The following LRRC37B variants were observed in gnomAD, a reference collection of about 807,000 sequenced individuals.
The protein encoded by LRRC37B is leucine-rich repeat-containing protein 37B.
LRRC37B carries 28 observed loss-of-function variants against 98.3 expected under a neutral mutation model. That is an observed-to-expected ratio of 0.28 (90% CI 0.21 to 0.39). LRRC37B has a LOEUF of 0.39. Ranked by LOEUF, LRRC37B falls within the 10% of genes least tolerant of loss-of-function variation. LRRC37B has a pLI of 1.00. For missense variants in LRRC37B, 938 were observed against 1,182.7 expected (o/e 0.79, Z 3.03); for synonymous variants, 364 against 442.7 (o/e 0.82, Z 2.23).
chr17:32,020,096 G>A (rs924784535), upstream of LRRC37B, among the ~76,000 whole-genome samples: 6 of 152,098 alleles, frequency 3.9e-5, no homozygotes, highest in Non-Finnish European at 7.4e-5. Flanking sequence ...CACCCACCTC[G>A]GCCTCCCAGA....
chr17:32,026,402 C>G (rs781200222), intron 2 of LRRC37B, among the ~76,000 whole-genome samples: 1 of 152,132 alleles, frequency 6.6e-6, no homozygotes, highest in African/African-American at 2.4e-5. Context: ...ATAATCCCAT[C>G]TACTTGGGAA....
chr17:32,020,890 C>T (rs1235705196), upstream of LRRC37B: 13 of 1,346,992 alleles, frequency 9.7e-6, no homozygotes, highest in Admixed American at 1.2e-4. Flanking sequence ...GGGACCACCC[C>T]GGTCTGCGGC....
Position 32,021,468 on chromosome 17 carries a change from C to A in LRRC37B, c.403C>A (p.Pro135Thr), listed in dbSNP as rs565455656. 4.3e-6 allele frequency: 7 copies of A among 1,614,172 alleles called. No homozygotes were observed. The South Asian group carries it at 6.6e-5, about 15-fold the overall frequency. ...GGAATTGGATTCAGCTGGAGAGCTG[C>A]CCCTGGGGCCAGAGCCGTTCTTGGC... Residue 135 changes from proline (P) to threonine (T), a missense_variant, in exon 1 of 12, where the codon CCC (proline) becomes ACC (threonine). Pro to Thr is a conservative substitution (Grantham distance 38). Coordinates refer to ENST00000327564, the Ensembl canonical transcript of LRRC37B.
intron 7 of LRRC37B, among the ~76,000 whole-genome samples, chr17:32,045,248 C>T (rs1448106317): frequency 6.6e-6 from 1 of 151,846 alleles, no homozygotes; most frequent in Non-Finnish European, 1.5e-5. Flanking sequence ...TTTTTTTTAA[C>T]CCCACAATCC....
At position 32,036,167 on chromosome 17, in the gene LRRC37B, A is replaced by T. The variant is rs142097297; in HGVS notation, c.2204+528A>T. 34 of 153,354 alleles carry T rather than the reference A, an allele frequency of 2.2e-4. No homozygotes were observed. The East Asian group carries it at 5.9e-3, about 27-fold the overall frequency. The allele number at this position is 153,354 out of a possible 1,614,324, so 9.5% of individuals were successfully genotyped here. On this transcript the variant is annotated intron_variant, in intron 7 of 11. Transcript: ENST00000327564. ...AGGTGTGTGCCACCATGCCCAGAAAATTTTCATATTTTTAGTAGAGATGAA... is the reference window on the plus strand; with the variant it reads ...AGGTGTGTGCCACCATGCCCAGAAATTTTTCATATTTTTAGTAGAGATGAA...
At chr17:32,033,154 G>C (rs536222032) in intron 5 of LRRC37B, among the ~76,000 whole-genome samples, 1 of 152,084 alleles carries the variant, frequency 6.6e-6, no homozygotes, top group East Asian at 1.9e-4. Context: ...ACAGAGCAAG[G>C]CTCCAACAGA....
At chr17:32,015,242 A>G (rs937416471) in intron 1 of LRRC37B, among the ~76,000 whole-genome samples, 1 of 152,232 alleles carries the variant, frequency 6.6e-6, no homozygotes, top group East Asian at 1.9e-4. Flanking sequence ...CTTGTTCAGT[A>G]ATAATGTTAA....
At chr17:32,016,668 T>C (rs530455139), upstream of LRRC37B, among the ~76,000 whole-genome samples, 2 of 152,332 alleles carry the variant, frequency 1.3e-5, no homozygotes, top group Admixed American at 1.3e-4. Context: ...TAAATTTGGG[T>C]TGCATTTGAG....
At chr17:32,050,603 A>C (rs1911725773) in intron 11 of LRRC37B, 1 of 152,334 alleles carries the variant, frequency 6.6e-6, no homozygotes, top group African/African-American at 2.4e-5. Flanking sequence ...GTGTTGTCTA[A>C]ATAGGTCCAG....
At chr17:32,042,110 T>C in intron 7 of LRRC37B, 1 of 311,796 alleles carries the variant, frequency 3.2e-6, no homozygotes, top group East Asian at 9.1e-5. Context: ...GGCCTCACTG[T>C]TTCCCTGGCC....
In LRRC37B at chr17:32,049,401, A is replaced by T. The variant is rs1286841559; in HGVS notation, c.2757+7A>T. ...AGAGCAGAAGTCAAGTGAGGTGAGG[A>T]CCACACAGAAACATGAGACCCAGAT... On this transcript the variant is annotated splice_region_variant and intron_variant, in intron 10 of 11. Transcript: ENST00000327564. The T allele has an allele frequency of 6.2e-7, 1 of 1,604,936 alleles. No individual in the cohort carries two copies. Among genetic ancestry groups the T allele is most frequent in the South Asian group, 1.1e-5 (1 of 90,242 alleles).
rs1334999498 is a variant in LRRC37B, at chr17:32,012,439, A to T, written c.-191+4307A>T. Among the ~76,000 whole-genome samples, 3 of 152,214 alleles carry T rather than the reference A, an allele frequency of 2.0e-5. No individual in the cohort carries two copies. In the East Asian group the frequency reaches 5.8e-4, roughly 29 times the overall value. On this transcript the variant is annotated intron_variant, in intron 1 of 14. Transcript: ENST00000543378. ...TTATACTAAAAACCATTATTTGGCC[A>T]GGCATGGTGGCTCACGCCTGTAATC...
chr17:32,020,292 C>T (rs1293285237), upstream of LRRC37B, among the ~76,000 whole-genome samples: 1 of 152,172 alleles, frequency 6.6e-6, no homozygotes, highest in Non-Finnish European at 1.5e-5. Context: ...CAGCTGGGTT[C>T]TAGTTATAGT....
chr17:32,044,307 C>T (rs1462279068), intron 7 of LRRC37B, among the ~76,000 whole-genome samples: 1 of 152,288 alleles, frequency 6.6e-6, no homozygotes, highest in Middle Eastern at 3.4e-3. Flanking sequence ...AGAATCCAGT[C>T]AAAGATCAGG....
chr17:32,015,376 G>A lies in LRRC37B; in HGVS notation c.-190-2596G>A, dbSNP rs73990711. On this transcript the variant is annotated intron_variant, in intron 1 of 14. Coordinates refer to the LRRC37B transcript ENST00000543378. ...TATTCCTTCTTGATATGCCATTCAT[G>A]GTTTATAGATGTGTAATAGCAGATT... is the stretch of plus-strand genomic sequence containing the variant. Among the ~76,000 whole-genome samples, 1,159 of 152,258 alleles carry A rather than the reference G, an allele frequency of 7.6e-3. 13 individuals carry two copies. Among genetic ancestry groups the A allele is most frequent in the African/African-American group, 0.027 (1,107 of 41,542 alleles).
At chr17:32,012,316 C>G (rs1355362941) in intron 1 of LRRC37B, among the ~76,000 whole-genome samples, 1 of 152,150 alleles carries the variant, frequency 6.6e-6, no homozygotes, top group East Asian at 1.9e-4. Flanking sequence ...ATTTTGAGGC[C>G]CTGTTGTTAG....
chr17:32,022,380 A>G, exon 1 of LRRC37B: 1 of 1,613,814 alleles, frequency 6.2e-7, no homozygotes, highest in Non-Finnish European at 8.5e-7. Context: ...TTCACACCTG[A>G]CTGAAGCCAC....
chr17:32,043,121 A>G (rs1029783534), intron 7 of LRRC37B, among the ~76,000 whole-genome samples: 10 of 152,250 alleles, frequency 6.6e-5, no homozygotes, highest in African/African-American at 2.4e-4. Context: ...ACATACACAC[A>G]TGGAAAGGAA....
chr17:32,024,111 TA>T (rs1344141693), intron 1 of LRRC37B, among the ~76,000 whole-genome samples: 1 of 151,842 alleles, frequency 6.6e-6, no homozygotes, highest in Non-Finnish European at 1.5e-5. Context: ...TGTTCAAGTA[TA>T]GACATGCAAA....
Sources: allele counts gnomAD v4.1 joint callset (sites outside exome capture counted in the v4.1 genomes callset), GRCh38; gene constraint gnomAD v4.1.1; transcripts MANE v1.5; gene names NCBI Gene and HGNC (gene_info 2026-07-23, HGNC 2026-07-21).